PCDHB16: variants seen among roughly 807,000 people sequenced by gnomAD.
PCDHB16 encodes the protein protocadherin beta 16, also known as protocadherin beta-16.
For missense variants in PCDHB16, 1,026 were observed against 989.9 expected (o/e 1.04, Z -0.49); for synonymous variants, 444 against 436.5 (o/e 1.02, Z -0.21).
chr5:141,184,835 C>A lies in PCDHB16; in HGVS notation c.2276C>A (p.Ser759Ter). Residue 759 changes from serine to a stop codon, truncating the protein, a stop_gained, in exon 1 of 1, where the codon TCA (serine) becomes TAA (stop). Coordinates refer to ENST00000609684, the MANE Select transcript of PCDHB16 (RefSeq NM_020957.4). LOFTEE classifies it low-confidence loss of function (END_TRUNC). ...YQYEVCLTGG[S>*]ETSEFKFLKP... ...TACGAGGTGTGTCTGACAGGAGGCT[C>A]AGAAACAAGTGAGTTCAAGTTCCTG... 1 of 1,614,198 alleles carries A rather than the reference C, an allele frequency of 6.2e-7. No homozygotes were observed. Among genetic ancestry groups the A allele is most frequent in the Middle Eastern group, 1.6e-4 (1 of 6,062 alleles).
rs782369154 is a variant in PCDHB16, at chr5:141,183,274, G to C, written c.715G>C (p.Ala239Pro). Residue 239 changes from alanine to proline, a missense_variant, in exon 1 of 1, where the codon GCT becomes CCT. By Grantham distance (27) the Ala-to-Pro change is conservative (BLOSUM62 -1). Transcript: ENST00000609684. ...TGAAGTGGTGGACATCAATGATAAC[G>C]CTCCTGAGTTTGAGCAGCCCATCTA... is the stretch of plus-strand genomic sequence containing the variant. ...RIEVVDINDNAPEFEQPIYKV... is the reference protein window; with the variant it reads ...RIEVVDINDNPPEFEQPIYKV... The C allele has an allele frequency of 6.2e-7, 1 of 1,614,006 alleles. No homozygotes were observed. The highest frequency in any genetic ancestry group is 8.5e-7 in the Non-Finnish European group (1 of 1,180,024).
At position 141,184,513 on chromosome 5, in the gene PCDHB16, C is replaced by A. The variant is rs13176519; in HGVS notation, c.1954C>A (p.Arg652Ser). 6.2e-7 allele frequency: 1 copy of A among 1,608,872 alleles called. No individual in the cohort carries two copies. Among genetic ancestry groups the A allele is most frequent in the Non-Finnish European group, 8.5e-7 (1 of 1,179,466 alleles). Reference protein sequence around the residue: ...VLVKDNGEPPRSATATLHVLL... With the variant: ...VLVKDNGEPPSSATATLHVLL... ...GGTCAAGGACAATGGCGAGCCTCCG[C>A]GCTCGGCCACCGCCACGCTGCACGT... Residue 652 changes from arginine to serine, a missense_variant, in exon 1 of 1, where the codon CGC becomes AGC. Transcript: ENST00000609684.
Position 141,184,884 on chromosome 5 carries a change from TCCTTAG to T in PCDHB16, c.2326_2331del (p.Pro776_Ter777delextTer6). ...TGAAGCCGATTATCCCCAACTTCTCTCCTTAGGGCACTAGGAAAGAAATAGATTAAA... is the reference window on the plus strand; with the variant it reads ...TGAAGCCGATTATCCCCAACTTCTCTGGCACTAGGAAAGAAATAGATTAAA... On this transcript the variant is annotated stop_lost and inframe_deletion, in exon 1 of 1. Coordinates refer to ENST00000609684, the MANE Select transcript of PCDHB16 (RefSeq NM_020957.4). The T allele has an allele frequency of 6.2e-7, 1 of 1,614,008 alleles. No individual in the cohort carries two copies. Among genetic ancestry groups the T allele is most frequent in the Non-Finnish European group, 8.5e-7 (1 of 1,179,940 alleles).
chr5:141,183,419 A>G lies in PCDHB16; in HGVS notation c.860A>G (p.Asp287Gly), dbSNP rs781919495. ...ISYTLFQPSE[D>G]ISKTLEVNPM... ...TACACACTCTTTCAGCCTTCGGAGG[A>G]TATTAGTAAAACTTTGGAGGTAAAT... Residue 287 changes from aspartate (D) to glycine (G), a missense_variant, in exon 1 of 1, where the codon GAT becomes GGT. Coordinates refer to ENST00000609684, the MANE Select transcript of PCDHB16 (RefSeq NM_020957.4). 4 of 1,613,988 alleles carry G rather than the reference A, an allele frequency of 2.5e-6. No individual in the cohort carries two copies. In the African/African-American group the frequency reaches 5.3e-5, roughly 22 times the overall value.
chr5:141,184,629 G>C lies in PCDHB16; in HGVS notation c.2070G>C (p.Leu690=). Residue 690 remains leucine (L), a synonymous_variant, in exon 1 of 1, where the codon CTG becomes CTC. Coordinates refer to ENST00000609684, the MANE Select transcript of PCDHB16 (RefSeq NM_020957.4). ...QTQANSLTVY[L]VVALASVSSL... is the part of the protein sequence containing the mutation. ...AGGCCAACTCGCTCACTGTCTACCT[G>C]GTGGTGGCGTTGGCCTCGGTGTCGT... 3.1e-6 allele frequency: 5 copies of C among 1,612,766 alleles called. No individual in the cohort carries two copies. Among genetic ancestry groups the C allele is most frequent in the Non-Finnish European group, 4.2e-6 (5 of 1,179,830 alleles).
At position 141,183,010 on chromosome 5, in the gene PCDHB16, G is replaced by A. The variant is rs954409370; in HGVS notation, c.451G>A (p.Glu151Lys). The change falls in exon 1 of 1, where the codon GAG (glutamate) becomes AAG (lysine). Residue 151 changes from glutamate (E) to lysine (K), a missense_variant. Transcript: ENST00000609684. Reference sequence around the variant, plus strand: ...ACCGGAAAACAGTCCTCTAGGAACTGAGTTCCCTCTGAATCATGCTTTGGA... The same window carrying A: ...ACCGGAAAACAGTCCTCTAGGAACTAAGTTCCCTCTGAATCATGCTTTGGA... ...KIPENSPLGT[E>K]FPLNHALDLD... is the part of the protein sequence containing the mutation. 2 of 1,614,206 alleles carry A rather than the reference G, an allele frequency of 1.2e-6. No homozygotes were observed. Among genetic ancestry groups the A allele is most frequent in the Admixed American group, 1.7e-5 (1 of 60,032 alleles).
chr5:141,184,885 C>A lies in PCDHB16; in HGVS notation c.2326C>A (p.Pro776Thr). Reference protein sequence around the residue: ...FLKPIIPNFSP With the variant: ...FLKPIIPNFST ...GAAGCCGATTATCCCCAACTTCTCTCCTTAGGGCACTAGGAAAGAAATAGA... is the reference window on the plus strand; with the variant it reads ...GAAGCCGATTATCCCCAACTTCTCTACTTAGGGCACTAGGAAAGAAATAGA... The change falls in exon 1 of 1, where the codon CCT becomes ACT. Residue 776 changes from proline to threonine, a missense_variant. Pro to Thr is a conservative substitution (Grantham distance 38). Coordinates refer to ENST00000609684, the MANE Select transcript of PCDHB16 (RefSeq NM_020957.4). 1 of 1,614,030 alleles carries A rather than the reference C, an allele frequency of 6.2e-7. No homozygotes were observed. Among genetic ancestry groups the A allele is most frequent in the Non-Finnish European group, 8.5e-7 (1 of 1,179,950 alleles).
rs1443564137 is a variant in PCDHB16 at position 141,185,649 on chromosome 5, C to T, written c.*759C>T. 1.1e-5 allele frequency: 9 copies of T among 843,128 alleles called. No individual in the cohort carries two copies. The highest frequency in any genetic ancestry group is 1.9e-5 in the African/African-American group (1 of 53,996). 52.2% of individuals were successfully genotyped at this position (843,128 alleles called of 1,614,324 possible). A position where few individuals can be genotyped will look rare whatever the true frequency, so the allele number is the denominator to read the frequency against. On this transcript the variant is annotated 3_prime_UTR_variant, in exon 1 of 1. Coordinates refer to ENST00000609684, the MANE Select transcript of PCDHB16 (RefSeq NM_020957.4). ...AACTCCTGGGCTCAAGCCATCCTCCCTCCTCAGCCTCCCAAAATTCTGGGA... is the reference window on the plus strand; with the variant it reads ...AACTCCTGGGCTCAAGCCATCCTCCTTCCTCAGCCTCCCAAAATTCTGGGA...
chr5:141,184,707 G>C lies in PCDHB16; in HGVS notation c.2148G>C (p.Arg716Ser). The change falls in exon 1 of 1, where the codon AGG (arginine) becomes AGC (serine). Residue 716 changes from arginine (R) to serine (S), a missense_variant. Arg to Ser is a moderately radical substitution (Grantham distance 110, BLOSUM62 -1). Transcript: ENST00000609684. ...LLFVAVRLCR[R>S]SRAASVGRCS... ...TCGTGGCGGTGCGGCTGTGCAGGAGGAGCAGGGCGGCCTCGGTGGGCCGCT... is the reference window on the plus strand; with the variant it reads ...TCGTGGCGGTGCGGCTGTGCAGGAGCAGCAGGGCGGCCTCGGTGGGCCGCT... 1 of 1,612,510 alleles carries C rather than the reference G, an allele frequency of 6.2e-7. No homozygotes were observed. The highest frequency in any genetic ancestry group is 8.5e-7 in the Non-Finnish European group (1 of 1,178,880).
Position 141,182,849 on chromosome 5 carries a change from G to C in PCDHB16, c.290G>C (p.Gly97Ala), listed in dbSNP as rs1554282035. 1 of 1,614,144 alleles carries C rather than the reference G, an allele frequency of 6.2e-7. No homozygotes were observed. The highest frequency in any genetic ancestry group is 1.7e-5 in the Admixed American group (1 of 60,028). The change falls in exon 1 of 1, where the codon GGT (glycine) becomes GCT (alanine). Residue 97 changes from glycine to alanine, a missense_variant. By Grantham distance (60) the Gly-to-Ala change is moderately conservative. Transcript: ENST00000609684. Reference sequence around the variant, plus strand: ...AAGCTAGATCGAGAGGAGCTATGCGGTCCCACTGAGCCTTGCATACTACAT... The same window carrying C: ...AAGCTAGATCGAGAGGAGCTATGCGCTCCCACTGAGCCTTGCATACTACAT... ...NEKLDREELC[G>A]PTEPCILHFQ...
Position 141,184,780 on chromosome 5 carries a change from G to C in PCDHB16, c.2221G>C (p.Gly741Arg). 1 of 1,614,222 alleles carries C rather than the reference G, an allele frequency of 6.2e-7. No homozygotes were observed. Among genetic ancestry groups the C allele is most frequent in the African/African-American group, 1.3e-5 (1 of 75,064 alleles). ...TCCAGGGCGTCTGGTGGACGTAAGC[G>C]GCACCGGGACCCTGTCCCAGAGCTA... ...PFPGRLVDVS[G>R]TGTLSQSYQY... The change falls in exon 1 of 1, where the codon GGC (glycine) becomes CGC (arginine). Residue 741 changes from glycine (G) to arginine (R), a missense_variant. Gly to Arg is a moderately radical substitution (Grantham distance 125, BLOSUM62 -2). Coordinates refer to ENST00000609684, the MANE Select transcript of PCDHB16 (RefSeq NM_020957.4).
chr5:141,183,160 G>A lies in PCDHB16; in HGVS notation c.601G>A (p.Asp201Asn). The change falls in exon 1 of 1, where the codon GAT (aspartate) becomes AAT (asparagine). Residue 201 changes from aspartate (D) to asparagine (N), a missense_variant. Transcript: ENST00000609684. ...YPELVLDKEL[D>N]REEEPQLRLT... ...TGAGCTAGTGTTGGATAAAGAGCTG[G>A]ATCGGGAGGAGGAGCCTCAACTAAG... 1 of 1,614,216 alleles carries A rather than the reference G, an allele frequency of 6.2e-7. No homozygotes were observed. The highest frequency in any genetic ancestry group is 8.5e-7 in the Non-Finnish European group (1 of 1,180,030).
rs141782820 is a variant in PCDHB16 at position 141,182,710 on chromosome 5, G to C, written c.151G>C (p.Asp51His). ...CTCTTTTGTGGCAAATCTAGGAAAA[G>C]ACCTGGGGTTGGGGTTGACAGAGAT... is the stretch of plus-strand genomic sequence containing the variant. Reference protein sequence around the residue: ...RGSFVANLGKDLGLGLTEMST... With the variant: ...RGSFVANLGKHLGLGLTEMST... Residue 51 changes from aspartate (D) to histidine (H), a missense_variant, in exon 1 of 1, where the codon GAC becomes CAC. Asp to His is a moderately conservative substitution (Grantham distance 81). Coordinates refer to ENST00000609684, the MANE Select transcript of PCDHB16 (RefSeq NM_020957.4). 7 of 1,611,258 alleles carry C rather than the reference G, an allele frequency of 4.3e-6. No individual in the cohort carries two copies. The East Asian group carries it at 1.6e-4, about 36-fold the overall frequency.
At position 141,184,679 on chromosome 5, in the gene PCDHB16, T is replaced by A. The variant is rs1554282452; in HGVS notation, c.2120T>A (p.Leu707Gln). Residue 707 changes from leucine to glutamine, a missense_variant, in exon 1 of 1, where the codon CTG becomes CAG. Physicochemically the swap from Leu to Gln is moderately radical, Grantham distance 113. Transcript: ENST00000609684. Reference sequence around the variant, plus strand: ...TCGCTCTTCCTCTTTTCGGTGCTCCTGTTCGTGGCGGTGCGGCTGTGCAGG... The same window carrying A: ...TCGCTCTTCCTCTTTTCGGTGCTCCAGTTCGTGGCGGTGCGGCTGTGCAGG... ...VSSLFLFSVL[L>Q]FVAVRLCRRS... 6.2e-7 allele frequency: 1 copy of A among 1,612,300 alleles called. No homozygotes were observed. The highest frequency in any genetic ancestry group is 1.1e-5 in the South Asian group (1 of 90,994).
chr5:141,182,558 C>T lies in PCDHB16; in HGVS notation c.-2C>T, dbSNP rs930576815. Reference sequence around the variant, plus strand: ...TGTGAACCAACTTTTCAAGAAAAAGCAATGGAGATTGGATGGATGCACAAT... The same window carrying T: ...TGTGAACCAACTTTTCAAGAAAAAGTAATGGAGATTGGATGGATGCACAAT... On this transcript the variant is annotated 5_prime_UTR_variant, in exon 1 of 1. Coordinates refer to ENST00000609684, the MANE Select transcript of PCDHB16 (RefSeq NM_020957.4). 19 of 1,512,058 alleles carry T rather than the reference C, an allele frequency of 1.3e-5. No homozygotes were observed. The highest frequency in any genetic ancestry group is 1.7e-5 in the Non-Finnish European group (19 of 1,131,310). The allele number at this position is 1,512,058 out of a possible 1,614,324, so 93.7% of individuals were successfully genotyped here. A position where few individuals can be genotyped will look rare whatever the true frequency, so the allele number is the denominator to read the frequency against.
rs781871307 is a variant in PCDHB16 at position 141,184,751 on chromosome 5, C to G, written c.2192C>G (p.Pro731Arg). The G allele has an allele frequency of 9.9e-6, 16 of 1,614,206 alleles. No homozygotes were observed. Among genetic ancestry groups the G allele is most frequent in the Non-Finnish European group, 1.4e-5 (16 of 1,180,042 alleles). Residue 731 changes from proline to arginine, a missense_variant, in exon 1 of 1, where the codon CCC becomes CGC. Pro to Arg is a moderately radical substitution (Grantham distance 103, BLOSUM62 -2). Coordinates refer to ENST00000609684, the MANE Select transcript of PCDHB16 (RefSeq NM_020957.4). ...GGCCGCTGCTCGATGCCTGAGGGCC[C>G]CTTTCCAGGGCGTCTGGTGGACGTA... ...SVGRCSMPEG[P>R]FPGRLVDVSG...
rs529017549 is a variant in PCDHB16, at chr5:141,185,235, C to G, written c.*345C>G. The G allele has an allele frequency of 2.5e-5, 25 of 1,017,676 alleles. No individual in the cohort carries two copies. The highest frequency in any genetic ancestry group is 2.8e-5 in the Non-Finnish European group (23 of 831,932). 63.0% of individuals were successfully genotyped at this position (1,017,676 alleles called of 1,614,324 possible). A position where few individuals can be genotyped will look rare whatever the true frequency, so the allele number is the denominator to read the frequency against. ...ATTTTTTGCTCCATTTTTCATGTTA[C>G]TTCTCAGTTTCCTAGAACTTCAAGT... On this transcript the variant is annotated 3_prime_UTR_variant, in exon 1 of 1. Transcript: ENST00000609684.
rs1164612826 is a variant in PCDHB16, at chr5:141,184,905, A to G, written c.*15A>G. On this transcript the variant is annotated 3_prime_UTR_variant, in exon 1 of 1. Transcript: ENST00000609684. ...TCTCTCCTTAGGGCACTAGGAAAGA[A>G]ATAGATTAAAATTCCACCCTTCACA... 1 of 1,610,138 alleles carries G rather than the reference A, an allele frequency of 6.2e-7. No individual in the cohort carries two copies. The highest frequency in any genetic ancestry group is 1.3e-5 in the African/African-American group (1 of 74,622).
chr5:141,185,108 G>A lies in PCDHB16; in HGVS notation c.*218G>A. 7.2e-7 allele frequency: 1 copy of A among 1,387,488 alleles called. No individual in the cohort carries two copies. Among genetic ancestry groups the A allele is most frequent in the South Asian group, 1.8e-5 (1 of 55,030 alleles). 85.9% of individuals were successfully genotyped at this position (1,387,488 alleles called of 1,614,324 possible). A position where few individuals can be genotyped will look rare whatever the true frequency, so the allele number is the denominator to read the frequency against. ...CCCTTTTCCTCATATTTACCCCGAAGAGGTGTTGCATATAGAATCCCAATT... is the reference window on the plus strand; with the variant it reads ...CCCTTTTCCTCATATTTACCCCGAAAAGGTGTTGCATATAGAATCCCAATT... On this transcript the variant is annotated 3_prime_UTR_variant, in exon 1 of 1. Transcript: ENST00000609684.
Sources: allele counts gnomAD v4.1 joint callset, GRCh38; gene constraint gnomAD v4.1.1; transcripts MANE v1.5; gene names NCBI Gene and HGNC (gene_info 2026-07-23, HGNC 2026-07-21).